The following HPGD variants were observed in gnomAD, a reference collection of about 807,000 sequenced individuals.
HPGD encodes the protein 15-hydroxyprostaglandin dehydrogenase, also known as 15-hydroxyprostaglandin dehydrogenase [NAD(+)].
Under a neutral mutation model 30.0 loss-of-function variants are expected in HPGD, and 29 were observed. The ratio of observed to expected loss-of-function variants is 0.97; its 90% CI spans 0.72 to 1.32. The LOEUF (loss-of-function observed/expected upper bound fraction) is 1.32. HPGD is among the 40% of genes most tolerant of loss of function. The pLI is 0.00. For missense variants in HPGD, 340 were observed against 322.1 expected, an observed-to-expected ratio of 1.06 and a Z score of -0.43; for synonymous variants, 99 against 112.4, an observed-to-expected ratio of 0.88 and a Z score of 0.75.
intron 2 of HPGD, among the ~76,000 whole-genome samples, chr4:174,519,628 T>C (rs1307004251): frequency 6.6e-6 from 1 of 152,156 alleles, no homozygotes; most frequent in Admixed American, 6.5e-5. Context: ...GACATTACCT[T>C]GTGAAATTCC....
At chr4:174,493,802 C>A (rs1442452156) in intron 5 of HPGD, among the ~76,000 whole-genome samples, 2 of 152,188 alleles carry the variant, frequency 1.3e-5, no homozygotes, top group Non-Finnish European at 2.9e-5. Context: ...GCTTAATTTA[C>A]AAACTATTGA....
chr4:174,521,047 A>G (rs3797010), intron 2 of HPGD, among the ~76,000 whole-genome samples: 23,510 of 152,158 alleles, frequency 0.15, 2,106 homozygotes, highest in Middle Eastern at 0.25. Context: ...GAACAGGAGC[A>G]CTGGAATAAG....
At chr4:174,508,252 G>A (rs1426548462) in intron 4 of HPGD, 9 of 636,202 alleles carry the variant, frequency 1.4e-5, no homozygotes, top group Non-Finnish European at 2.3e-5. Flanking sequence ...ATGTAAGTTT[G>A]GCTTTATTTA....
At chr4:174,511,828 A>G (rs929434370) in intron 3 of HPGD, among the ~76,000 whole-genome samples, 2 of 152,086 alleles carry the variant, frequency 1.3e-5, no homozygotes, top group African/African-American at 4.8e-5. Flanking sequence ...TTGTATTTTT[A>G]GTAGAGACGG....
intron 2 of HPGD, among the ~76,000 whole-genome samples, chr4:174,519,792 C>T (rs891399619): frequency 6.6e-6 from 1 of 152,030 alleles, no homozygotes; most frequent in Non-Finnish European, 1.5e-5. Flanking sequence ...CTCTCTTTTC[C>T]GACTCAGCCA....
At chr4:174,521,192 A>G (rs1219906956) in intron 2 of HPGD, among the ~76,000 whole-genome samples, 1 of 150,086 alleles carries the variant, frequency 6.7e-6, no homozygotes, top group Non-Finnish European at 1.5e-5. Context: ...CTGTAAGTTT[A>G]TTGGGGCACT....
chr4:174,514,298 G>T (rs987076463), intron 3 of HPGD, among the ~76,000 whole-genome samples: 15 of 151,972 alleles, frequency 9.9e-5, no homozygotes, highest in East Asian at 1.9e-4. Context: ...CAGCTATCAG[G>T]TCTCTCCAAA....
intron 5 of HPGD, among the ~76,000 whole-genome samples, chr4:174,495,202 C>T (rs1301086702): frequency 6.6e-6 from 1 of 152,038 alleles, no homozygotes; most frequent in African/African-American, 2.4e-5. Context: ...TCTCTGGTGA[C>T]AAATAATGGC....
chr4:174,508,614 A>C (rs1735301513), intron 4 of HPGD, 82 bp downstream of exon 4: 2 of 843,184 alleles, frequency 2.4e-6, no homozygotes, highest in Non-Finnish European at 4.2e-6. Context: ...TGAGCTGATA[A>C]TAAATATGCT....
chr4:174,502,547 G>A (rs547528314), intron 4 of HPGD, among the ~76,000 whole-genome samples: 4 of 151,974 alleles, frequency 2.6e-5, no homozygotes, highest in East Asian at 1.9e-4. Context: ...GCGTGGTGGC[G>A]GGCGCCTGTA....
intron 4 of HPGD, among the ~76,000 whole-genome samples, chr4:174,502,755 A>T (rs907590716): frequency 1.3e-5 from 2 of 152,090 alleles, no homozygotes; most frequent in African/African-American, 4.8e-5. Flanking sequence ...TCCCAGAAAG[A>T]TATGTTTAAT....
chr4:174,513,978 T>G (rs1735644565), intron 3 of HPGD, among the ~76,000 whole-genome samples: 1 of 152,040 alleles, frequency 6.6e-6, no homozygotes, highest in Non-Finnish European at 1.5e-5. Context: ...CCATTTGAGA[T>G]AAGAATGCCT....
chr4:174,512,308 G>C (rs970976364), intron 3 of HPGD, among the ~76,000 whole-genome samples: 6 of 152,100 alleles, frequency 3.9e-5, no homozygotes, highest in African/African-American at 1.4e-4. Context: ...GAAAGAACTT[G>C]TGGTTTACTA....
chr4:174,513,408 A>G (rs1735610149), intron 3 of HPGD, among the ~76,000 whole-genome samples: 1 of 152,136 alleles, frequency 6.6e-6, no homozygotes, highest in African/African-American at 2.4e-5. Context: ...GTAATGAAAT[A>G]CAACTCTTAA....
chr4:174,522,698 C>T (rs1736229252), upstream of HPGD: 4 of 442,632 alleles, frequency 9.0e-6, no homozygotes, highest in South Asian at 1.5e-4. Context: ...CTCAAAGCCT[C>T]CCCTCAGCCT....
At chr4:174,498,047 C>T (rs1654734541) in intron 4 of HPGD, among the ~76,000 whole-genome samples, 1 of 152,054 alleles carries the variant, frequency 6.6e-6, no homozygotes, top group African/African-American at 2.4e-5. Flanking sequence ...CTACTTGGCT[C>T]AAGCAATCCT....
chr4:174,517,479 G>T (rs1232749323), intron 3 of HPGD, among the ~76,000 whole-genome samples: 1 of 152,244 alleles, frequency 6.6e-6, no homozygotes, highest in South Asian at 2.1e-4. Context: ...AATGCCACAG[G>T]ATCTTTTACA....
intron 4 of HPGD, among the ~76,000 whole-genome samples, chr4:174,497,310 A>C (rs1201176854): frequency 6.6e-6 from 1 of 152,214 alleles, no homozygotes; most frequent in Non-Finnish European, 1.5e-5. Flanking sequence ...TGAACTTTGG[A>C]ACCCCAGCTA....
chr4:174,507,434 A>T (rs758516388), intron 4 of HPGD: 2 of 152,190 alleles, frequency 1.3e-5, no homozygotes, highest in African/African-American at 2.4e-5. Context: ...GAACCATTTG[A>T]TAATCATTCC....
Sources: gnomAD v4.1 joint callset for allele counts (sites outside exome capture counted in the v4.1 genomes callset) on GRCh38, gnomAD v4.1.1 for gene constraint, MANE v1.5 for transcripts, NCBI Gene and HGNC (gene_info 2026-07-23, HGNC 2026-07-21) for gene names.